The following CFAP61 variants were observed in gnomAD, a reference collection of about 807,000 sequenced individuals.
CFAP61 encodes the protein cilia and flagella associated protein 61, also known as cilia- and flagella-associated protein 61.
In CFAP61, 107 loss-of-function variants were observed where a neutral mutation model predicts 135.6. The ratio of observed to expected loss-of-function variants is 0.79; its 90% CI spans 0.67 to 0.93. The LOEUF is 0.93. Ranked by LOEUF, CFAP61 falls within the 40% of genes least tolerant of loss-of-function variation. The probability of loss-of-function intolerance (pLI) is 0.00; values close to 1 mark genes in which losing one functional copy is unlikely to be tolerated. For missense variants in CFAP61, 1,507 were observed against 1,556.2 expected, an observed-to-expected ratio of 0.97 and a Z score of 0.53; for synonymous variants, 575 against 578.5, an observed-to-expected ratio of 0.99 and a Z score of 0.09.
At chr20:20,192,754 G>A (rs1433865678) in intron 15 of CFAP61, among the ~76,000 whole-genome samples, 1 of 151,966 alleles carries the variant, frequency 6.6e-6, no homozygotes, top group Non-Finnish European at 1.5e-5. Context: ...TTATTTCTAC[G>A]TGTTTTGTGA....
intron 7 of CFAP61, chr20:20,095,482 A>G (rs969107004): frequency 6.6e-6 from 1 of 152,300 alleles, no homozygotes; most frequent in African/African-American, 2.4e-5. Context: ...TACTACTGAA[A>G]GGGTTTTTAG....
chr20:20,241,863 T>C (rs538606200), intron 18 of CFAP61, among the ~76,000 whole-genome samples: 2 of 152,308 alleles, frequency 1.3e-5, no homozygotes, highest in African/African-American at 4.8e-5. Flanking sequence ...ACTTGCAGAC[T>C]GTCAGCCATA....
intron 6 of CFAP61, among the ~76,000 whole-genome samples, chr20:20,077,884 A>G (rs868408275): frequency 9.2e-5 from 14 of 152,336 alleles, no homozygotes; most frequent in Middle Eastern, 3.4e-3. Context: ...AATAGATTGT[A>G]AATCTTTTTT....
At chr20:20,281,242 T>C (rs950994989) in intron 22 of CFAP61, among the ~76,000 whole-genome samples, 2 of 152,216 alleles carry the variant, frequency 1.3e-5, no homozygotes, top group Admixed American at 1.3e-4. Flanking sequence ...TTATTTCAGT[T>C]ACTTGCTTTA....
chr20:20,098,258 A>G (rs924390640), intron 7 of CFAP61, among the ~76,000 whole-genome samples: 1 of 152,148 alleles, frequency 6.6e-6, no homozygotes, highest in African/African-American at 2.4e-5. Context: ...CCAGCCGACC[A>G]CATTCTGAGG....
chr20:20,329,812 C>G (rs2057914199), intron 25 of CFAP61, among the ~76,000 whole-genome samples: 1 of 152,254 alleles, frequency 6.6e-6, no homozygotes, highest in Non-Finnish European at 1.5e-5. Flanking sequence ...CAAACACCGA[C>G]TCCTTCTCCA....
intron 6 of CFAP61, among the ~76,000 whole-genome samples, chr20:20,079,687 T>A (rs1307658923): frequency 6.6e-6 from 1 of 152,218 alleles, no homozygotes; most frequent in Non-Finnish European, 1.5e-5. Context: ...TAATTTAGTT[T>A]GAGAGAAGAA....
At chr20:20,300,340 A>C (rs1241066490) in intron 25 of CFAP61, among the ~76,000 whole-genome samples, 1 of 152,214 alleles carries the variant, frequency 6.6e-6, no homozygotes, top group Admixed American at 6.5e-5. Context: ...GGGGGTATTC[A>C]GAAGGCATTA....
At chr20:20,118,253 G>GTTTGTTTGTTTC (rs1555872842) in intron 8 of CFAP61, among the ~76,000 whole-genome samples, 12 of 138,608 alleles carry the variant, frequency 8.7e-5, no homozygotes, top group African/African-American at 3.3e-4. Context: ...TTTGAGGTAT[G>GTTTGTTTGTTTC]TTTCTTTCTT....
At chr20:20,236,119 A>G (rs1290808650) in intron 18 of CFAP61, among the ~76,000 whole-genome samples, 1 of 152,216 alleles carries the variant, frequency 6.6e-6, no homozygotes, top group East Asian at 1.9e-4. Context: ...TAGGGTTAAT[A>G]TTAAGTAACT....
At chr20:20,172,281 GTCTA>G in intron 13 of CFAP61, 2 of 983,666 alleles carry the variant, frequency 2.0e-6, no homozygotes, top group Non-Finnish European at 2.4e-6. Flanking sequence ...TTTGCATTAT[GTCTA>G]TCTGTTATGT....
intron 22 of CFAP61, among the ~76,000 whole-genome samples, chr20:20,285,150 A>G (rs957970179): frequency 6.6e-6 from 1 of 152,196 alleles, no homozygotes; most frequent in Non-Finnish European, 1.5e-5. Context: ...TTAAAAATCT[A>G]CAATCATTTA....
chr20:20,094,611 C>T (rs1273571763), intron 7 of CFAP61: 1 of 152,236 alleles, frequency 6.6e-6, no homozygotes, highest in Non-Finnish European at 1.5e-5. Flanking sequence ...CAGAGCAAAG[C>T]TGTAGGCTGA....
chr20:20,160,244 A>G (rs2146799580), intron 10 of CFAP61, among the ~76,000 whole-genome samples: 1 of 152,280 alleles, frequency 6.6e-6, no homozygotes, highest in Middle Eastern at 3.4e-3. Context: ...TGATGGATGG[A>G]CTGACTCAGC....
At chr20:20,207,251 C>A (rs1374038803) in intron 17 of CFAP61, among the ~76,000 whole-genome samples, 1 of 152,132 alleles carries the variant, frequency 6.6e-6, no homozygotes, top group African/African-American at 2.4e-5. Flanking sequence ...AAGCCACCAG[C>A]AGGTTCTTTG....
At chr20:20,159,797 A>G (rs967451024) in intron 10 of CFAP61, among the ~76,000 whole-genome samples, 1 of 152,250 alleles carries the variant, frequency 6.6e-6, no homozygotes, top group African/African-American at 2.4e-5. Flanking sequence ...TCTCTGTATC[A>G]TATGCACATA....
intron 25 of CFAP61, among the ~76,000 whole-genome samples, chr20:20,300,487 C>T (rs1279220618): frequency 6.6e-6 from 1 of 151,808 alleles, no homozygotes; most frequent in Non-Finnish European, 1.5e-5. Context: ...GTTTGTGCCT[C>T]GGTTTGTAAC....
chr20:20,211,447 A>G (rs750739166), intron 17 of CFAP61, among the ~76,000 whole-genome samples: 4 of 152,372 alleles, frequency 2.6e-5, no homozygotes, highest in Middle Eastern at 3.4e-3. Context: ...GACTGATGTC[A>G]TGATCTCCAT....
At chr20:20,250,715 A>G (rs1389528395) in intron 19 of CFAP61, among the ~76,000 whole-genome samples, 2 of 152,254 alleles carry the variant, frequency 1.3e-5, no homozygotes, top group African/African-American at 4.8e-5. Context: ...GACTCTCAGT[A>G]TTCAGAACAG....
Sources: allele counts gnomAD v4.1 joint callset (sites outside exome capture counted in the v4.1 genomes callset), GRCh38; gene constraint gnomAD v4.1.1; transcripts MANE v1.5; gene names NCBI Gene and HGNC (gene_info 2026-07-23, HGNC 2026-07-21).